The following PAPPA2 variants were observed in gnomAD, a reference collection of about 807,000 sequenced individuals.
PAPPA2 encodes pappalysin-2.
A neutral mutation model predicts 176.4 loss-of-function variants in PAPPA2; 86 were observed. The observed-to-expected ratio is 0.49, with a 90% CI of 0.41 to 0.58. The LOEUF is 0.58. Ranked by LOEUF, PAPPA2 falls within the 20% of genes least tolerant of loss-of-function variation. The pLI is 0.00. For synonymous variants in PAPPA2, 809 were observed against 852.2 expected (o/e 0.95, Z 0.88); for missense variants, 2,073 against 2,256.9 (o/e 0.92, Z 1.65).
intron 12 of PAPPA2, among the ~76,000 whole-genome samples, chr1:176,733,802 G>C (rs754613216): frequency 6.6e-6 from 1 of 152,074 alleles, no homozygotes; most frequent in Non-Finnish European, 1.5e-5. Context: ...ACCTGACTCA[G>C]AGCAAGATCT....
chr1:176,755,644 G>A (rs1318669050), intron 14 of PAPPA2, among the ~76,000 whole-genome samples: 3 of 152,166 alleles, frequency 2.0e-5, no homozygotes, highest in Non-Finnish European at 4.4e-5. Context: ...TTTAGGAAGT[G>A]CCCCACAAGG....
intron 2 of PAPPA2, among the ~76,000 whole-genome samples, chr1:176,574,201 G>A (rs1046961113): frequency 6.6e-6 from 1 of 152,092 alleles, no homozygotes; most frequent in Non-Finnish European, 1.5e-5. Flanking sequence ...GCCTATATAT[G>A]TTAAAATGAT....
intron 1 of PAPPA2, among the ~76,000 whole-genome samples, chr1:176,540,261 T>C (rs950822277): frequency 6.6e-6 from 1 of 152,212 alleles, no homozygotes; most frequent in African/African-American, 2.4e-5. Flanking sequence ...TTTTGGAGGC[T>C]TGAATAAAGA....
chr1:176,581,934 T>A (rs1340644025), intron 2 of PAPPA2, among the ~76,000 whole-genome samples: 2 of 143,766 alleles, frequency 1.4e-5, no homozygotes, highest in Non-Finnish European at 3.1e-5. Flanking sequence ...TTTTTTTTTT[T>A]TTTTTTTGAG....
chr1:176,720,247 C>G (rs2102848095), intron 12 of PAPPA2, among the ~76,000 whole-genome samples: 1 of 152,254 alleles, frequency 6.6e-6, no homozygotes, highest in South Asian at 2.1e-4. Context: ...AGCAATACTT[C>G]TTGCTTTACC....
At position 176,770,947 on chromosome 1, in the gene PAPPA2, C is replaced by T. The variant is rs766517346; in HGVS notation, c.4502-20C>T. The T allele has an allele frequency of 5.6e-6, 9 of 1,609,410 alleles. No homozygotes were observed. Among genetic ancestry groups the T allele is most frequent in the African/African-American group, 1.3e-5 (1 of 74,812 alleles). On this transcript the variant is annotated intron_variant, in intron 16 of 22. Transcript: ENST00000367662. ...GGCTCTCTGTTCTGAGCATCTTGTG[C>T]TTCTCTTTCCTGGAGTCAGGACTGA...
intron 21 of PAPPA2, among the ~76,000 whole-genome samples, chr1:176,825,590 A>G (rs1666827057): frequency 6.6e-6 from 1 of 152,224 alleles, no homozygotes; most frequent in East Asian, 1.9e-4. Flanking sequence ...GGTGGGGACG[A>G]TGAGAAAAGA....
At chr1:176,502,327 C>T (rs1326944440) in intron 1 of PAPPA2, among the ~76,000 whole-genome samples, 1 of 152,166 alleles carries the variant, frequency 6.6e-6, no homozygotes, top group African/African-American at 2.4e-5. Context: ...GTACAAGTAG[C>T]TATAACATAG....
chr1:176,783,339 C>T (rs1664800311), intron 17 of PAPPA2, among the ~76,000 whole-genome samples: 2 of 152,190 alleles, frequency 1.3e-5, no homozygotes, highest in African/African-American at 4.8e-5. Context: ...CTCAACAAAT[C>T]ATACTTTTAT....
At position 176,581,872 on chromosome 1, in the gene PAPPA2, T is replaced by TG. The variant is rs983780483; in HGVS notation, c.920-12645dup. ...TTTTTTTAAATTTTTGTTTATTTTT[T>TG]GGGGGGGTGGAGTCTTTAGATTTTT... On this transcript the variant is annotated intron_variant, in intron 2 of 22. Transcript: ENST00000367662. Among the ~76,000 whole-genome samples, 152 of 151,286 alleles carry TG rather than the reference T, an allele frequency of 1.0e-3. 1 individual carries two copies. The highest frequency in any genetic ancestry group is 2.9e-3 in the East Asian group (15 of 5,182).
intron 4 of PAPPA2, among the ~76,000 whole-genome samples, chr1:176,671,474 A>G (rs1381724988): frequency 3.3e-5 from 5 of 152,178 alleles, no homozygotes; most frequent in East Asian, 3.9e-4. Context: ...GCTTTACATG[A>G]TCACTGTTCT....
chr1:176,477,744 C>A (rs543404652), intron 1 of PAPPA2, among the ~76,000 whole-genome samples: 38 of 148,848 alleles, frequency 2.6e-4, no homozygotes, highest in African/African-American at 9.3e-4. Context: ...GACTCCATCT[C>A]AAAAAATAAA....
At chr1:176,757,861 A>G (rs909890933) in intron 14 of PAPPA2, among the ~76,000 whole-genome samples, 2 of 152,184 alleles carry the variant, frequency 1.3e-5, no homozygotes, top group Non-Finnish European at 2.9e-5. Context: ...TCTTTAATCC[A>G]TCTACAGACA....
At chr1:176,810,360 G>C (rs144308481) in intron 21 of PAPPA2, among the ~76,000 whole-genome samples, 1 of 152,078 alleles carries the variant, frequency 6.6e-6, no homozygotes, top group Non-Finnish European at 1.5e-5. Flanking sequence ...TGGAACCAGC[G>C]ACTAGTTTCA....
chr1:176,684,989 C>T (rs1480205713), intron 4 of PAPPA2, among the ~76,000 whole-genome samples: 1 of 152,004 alleles, frequency 6.6e-6, no homozygotes, highest in Non-Finnish European at 1.5e-5. Flanking sequence ...AGAGGAAAAT[C>T]AGAGCTCCTT....
At chr1:176,633,117 G>A (rs181972485) in intron 3 of PAPPA2, among the ~76,000 whole-genome samples, 3 of 152,316 alleles carry the variant, frequency 2.0e-5, no homozygotes, top group East Asian at 3.9e-4. Flanking sequence ...AGCAGAGAGA[G>A]GTAAGTCACT....
chr1:176,587,040 A>T lies in PAPPA2; in HGVS notation c.920-7484A>T, dbSNP rs570046632. 3.3e-5 allele frequency among the ~76,000 whole-genome samples: 5 copies of T among 152,114 alleles called. No individual in the cohort carries two copies. In the East Asian group the frequency reaches 9.7e-4, roughly 29 times the overall value. ...GTTTTGATTTCTCTAATGATCAGTG[A>T]TGTTGAGCTTTTTTTCATATGTTTG... On this transcript the variant is annotated intron_variant, in intron 2 of 22. Transcript: ENST00000367662.
rs574538335 is a variant in PAPPA2 at position 176,628,960 on chromosome 1, C to T, written c.1991+33365C>T. ...GTTGTGATTTATGCTACCCATGAAA[C>T]TTAAGGCCTTCACCGGCAATGGAAA... is the stretch of plus-strand genomic sequence containing the variant. On this transcript the variant is annotated intron_variant, in intron 3 of 22. Transcript: ENST00000367662. Among the ~76,000 whole-genome samples the T allele has an allele frequency of 3.9e-5, 6 of 152,310 alleles. No homozygotes were observed. In the South Asian group the frequency reaches 1.2e-3, roughly 32 times the overall value.
At chr1:176,543,870 C>G (rs1219816407) in intron 1 of PAPPA2, among the ~76,000 whole-genome samples, 1 of 151,942 alleles carries the variant, frequency 6.6e-6, no homozygotes, top group African/African-American at 2.4e-5. Context: ...AAGAAGTGGG[C>G]CATCTCTCTT....
Sources: allele counts gnomAD v4.1 joint callset (sites outside exome capture counted in the v4.1 genomes callset), GRCh38; gene constraint gnomAD v4.1.1; transcripts MANE v1.5; gene names NCBI Gene and HGNC (gene_info 2026-07-23, HGNC 2026-07-21).